Variants in DTNB observed in about 807,000 individuals in gnomAD.
DTNB encodes the protein DTN-B.
A neutral mutation model predicts 90.7 loss-of-function variants in DTNB; 63 were observed. The observed-to-expected ratio is 0.69, with a 90% CI of 0.57 to 0.86. The LOEUF is 0.86. Among genes scored for constraint, DTNB ranks in the 40% least tolerant of loss-of-function variants. The pLI is 0.00. For synonymous variants in DTNB, 277 were observed against 286.7 expected, an observed-to-expected ratio of 0.97 and a Z score of 0.34; for missense variants, 744 against 807.1, an observed-to-expected ratio of 0.92 and a Z score of 0.95.
chr2:25,380,358 A>C (rs2037290627), intron 19 of DTNB, among the ~76,000 whole-genome samples: 1 of 152,348 alleles, frequency 6.6e-6, no homozygotes, highest in African/African-American at 2.4e-5. Flanking sequence ...AGGTCCACCC[A>C]TAAAAACACT....
At chr2:25,468,853 T>A (rs1169986757) in intron 10 of DTNB, among the ~76,000 whole-genome samples, 1 of 152,220 alleles carries the variant, frequency 6.6e-6, no homozygotes, top group Non-Finnish European at 1.5e-5. Flanking sequence ...TGACTTATCC[T>A]ACAAATATAA....
chr2:25,407,782 G>A (rs1432097764), intron 16 of DTNB, among the ~76,000 whole-genome samples: 1 of 152,158 alleles, frequency 6.6e-6, no homozygotes. Flanking sequence ...GGGAGAGGTT[G>A]GGAGGGGCGT....
At chr2:25,616,573 G>T (rs997571083) in intron 4 of DTNB, among the ~76,000 whole-genome samples, 1 of 143,856 alleles carries the variant, frequency 7.0e-6, no homozygotes, top group Non-Finnish European at 1.5e-5. Flanking sequence ...TCAATGGCTG[G>T]TCTCCGATGA....
At chr2:25,525,056 T>C (rs1423149636) in intron 9 of DTNB, among the ~76,000 whole-genome samples, 2 of 152,242 alleles carry the variant, frequency 1.3e-5, no homozygotes, top group Middle Eastern at 3.2e-3. Flanking sequence ...TTACTCGTGG[T>C]AAAGTCATTC....
chr2:25,605,932 A>G (rs2067002326), intron 5 of DTNB, among the ~76,000 whole-genome samples: 1 of 152,218 alleles, frequency 6.6e-6, no homozygotes. Flanking sequence ...AAATAAAACC[A>G]TAATTCTTAT....
chr2:25,599,307 A>G (rs989931375), intron 5 of DTNB, among the ~76,000 whole-genome samples: 1 of 151,614 alleles, frequency 6.6e-6, no homozygotes, highest in African/African-American at 2.4e-5. Flanking sequence ...TAAAGATATT[A>G]CACTTAGCTT....
chr2:25,416,272 G>C (rs2047903752), intron 16 of DTNB, among the ~76,000 whole-genome samples: 1 of 152,232 alleles, frequency 6.6e-6, no homozygotes, highest in African/African-American at 2.4e-5. Context: ...AATGAAGCAA[G>C]AAGGTGGACA....
chr2:25,505,187 T>C (rs1456869189), intron 9 of DTNB, among the ~76,000 whole-genome samples: 3 of 152,154 alleles, frequency 2.0e-5, no homozygotes, highest in African/African-American at 7.2e-5. Flanking sequence ...ATGAGCTCAC[T>C]CCACACCCCA....
chr2:25,572,105 T>C (rs1221828500), intron 8 of DTNB, among the ~76,000 whole-genome samples: 6 of 152,190 alleles, frequency 3.9e-5, no homozygotes, highest in East Asian at 3.9e-4. Context: ...TCTCTGGATA[T>C]GGCACAGTCT....
chr2:25,462,864 C>T (rs561985620), intron 10 of DTNB, among the ~76,000 whole-genome samples: 8 of 152,244 alleles, frequency 5.3e-5, no homozygotes, highest in South Asian at 2.1e-4. Flanking sequence ...CCACCACGCC[C>T]GGCTAATTTT....
intron 8 of DTNB, among the ~76,000 whole-genome samples, chr2:25,543,847 T>C (rs1437669737): frequency 1.3e-5 from 2 of 152,228 alleles, no homozygotes; most frequent in African/African-American, 2.4e-5. Context: ...TAAAGTAACA[T>C]TTATTGAGAA....
At chr2:25,592,926 T>A (rs1028153829) in intron 6 of DTNB, among the ~76,000 whole-genome samples, 4 of 152,244 alleles carry the variant, frequency 2.6e-5, no homozygotes, top group Non-Finnish European at 5.9e-5. Context: ...CCTGAGCCAC[T>A]GATTTCCTTC....
intron 12 of DTNB, among the ~76,000 whole-genome samples, chr2:25,436,816 G>A (rs980804101): frequency 2.6e-5 from 4 of 152,196 alleles, no homozygotes; most frequent in African/African-American, 9.6e-5. Context: ...GAAAACTGGA[G>A]CTAAAAGTAA....
rs2060609949 is a variant in DTNB at position 25,576,142 on chromosome 2, G to C, written c.876+696C>G. Among the ~76,000 whole-genome samples, 3 of 151,130 alleles carry C rather than the reference G, an allele frequency of 2.0e-5. No homozygotes were observed. The South Asian group carries it at 6.3e-4, about 32-fold the overall frequency. ...AACCCTATAAAAGTGAGGAAATTTT[G>C]CTTGCAAAAAGAACTTTAAGTCTTA... On this transcript the variant is annotated intron_variant, in intron 8 of 20. Coordinates refer to ENST00000406818, the MANE Select transcript of DTNB (RefSeq NM_021907.5).
intron 9 of DTNB, among the ~76,000 whole-genome samples, chr2:25,526,236 G>C (rs1395785749): frequency 6.6e-6 from 1 of 151,370 alleles, no homozygotes; most frequent in Non-Finnish European, 1.5e-5. Context: ...CAGCTCCATG[G>C]GGGAAACATG....
intron 14 of DTNB, among the ~76,000 whole-genome samples, chr2:25,431,685 G>C (rs1335050088): frequency 6.6e-6 from 1 of 152,164 alleles, no homozygotes; most frequent in Non-Finnish European, 1.5e-5. Context: ...GTTAGACTCA[G>C]GATGACAGGC....
In DTNB at chr2:25,415,327, A is replaced by C. The variant is rs2047634872; in HGVS notation, c.1575+4188T>G. Among the ~76,000 whole-genome samples the C allele has an allele frequency of 2.0e-5, 3 of 150,390 alleles. No individual in the cohort carries two copies. The South Asian group carries it at 6.3e-4, about 32-fold the overall frequency. On this transcript the variant is annotated intron_variant, in intron 16 of 20. Coordinates refer to ENST00000406818, the MANE Select transcript of DTNB (RefSeq NM_021907.5). The stretch of plus-strand genomic sequence containing the variant: ...AGTGGCGTGATCTTGGCTCACTGCA[A>C]CATCCACCTCCCAGGTTCAAGCGAT...
rs4007298 is a variant in DTNB, at chr2:25,609,657, T to TACACACAC, written c.363-2344_363-2337dup. Among the ~76,000 whole-genome samples the TACACACAC allele has an allele frequency of 3.2e-3, 408 of 127,052 alleles. 1 individual carries two copies. The highest frequency in any genetic ancestry group is 3.4e-3 in the Non-Finnish European group (213 of 62,034). 83.4% of individuals were successfully genotyped at this position (127,052 alleles called of 152,430 possible). ...GCATAAACATTTCCATAATAGAATG[T>TACACACAC]ACACACACACACACACACACACACA... On this transcript the variant is annotated intron_variant, in intron 4 of 20. Transcript: ENST00000406818.
At chr2:25,588,086 G>A (rs1438747486) in intron 6 of DTNB, among the ~76,000 whole-genome samples, 3 of 151,828 alleles carry the variant, frequency 2.0e-5, no homozygotes, top group Non-Finnish European at 4.4e-5. Context: ...ATGCTTTAGT[G>A]TGACAATAAA....
Sources: gnomAD v4.1 joint callset for allele counts (sites outside exome capture counted in the v4.1 genomes callset) on GRCh38, gnomAD v4.1.1 for gene constraint, MANE v1.5 for transcripts, NCBI Gene and HGNC (gene_info 2026-07-23, HGNC 2026-07-21) for gene names.